SCD5: variants seen among roughly 807,000 people sequenced by gnomAD.
SCD5 encodes the protein acyl-CoA-desaturase 4.
In SCD5, 20 loss-of-function variants were observed where a neutral mutation model predicts 30.4. That is an observed-to-expected ratio of 0.66 (90% confidence interval 0.46 to 0.96). The LOEUF (loss-of-function observed/expected upper bound fraction) is 0.96. Ranked by LOEUF, SCD5 falls within the 40% of genes least tolerant of loss-of-function variation. SCD5 has a pLI of 0.00. For synonymous variants in SCD5, 173 were observed against 176.4 expected (o/e 0.98, Z 0.16); for missense variants, 381 against 443.3 (o/e 0.86, Z 1.26).
At chr4:82,699,563 GTTTTTTGTT>G (rs1243498351) in intron 2 of SCD5, among the ~76,000 whole-genome samples, 373 of 28,898 alleles carry the variant, frequency 0.013, 4 homozygotes, top group African/African-American at 0.064. Flanking sequence ...TTTGTTTTTT[GTTTTTTGTT>G]TTTTTTTTTT....
chr4:82,662,477 C>G (rs566485716), intron 3 of SCD5, among the ~76,000 whole-genome samples: 34 of 151,952 alleles, frequency 2.2e-4, no homozygotes, highest in African/African-American at 7.5e-4. Context: ...CTTGGCAATT[C>G]TGATTTTAGC....
In SCD5 at chr4:82,712,273, T is replaced by TAC. The variant is rs1200272547; in HGVS notation, c.233-6861_233-6860insGT. Among the ~76,000 whole-genome samples the TAC allele has an allele frequency of 2.0e-4, 10 of 50,072 alleles. 2 individuals are homozygous for TAC. Among genetic ancestry groups the TAC allele is most frequent in the African/African-American group, 1.2e-3 (9 of 7,618 alleles). 32.8% of individuals were successfully genotyped at this position (50,072 alleles called of 152,430 possible). On this transcript the variant is annotated intron_variant, in intron 1 of 4. Coordinates refer to ENST00000319540, the MANE Select transcript of SCD5 (RefSeq NM_001037582.3). The stretch of plus-strand genomic sequence containing the variant: ...ATATATATATATATATATATATATA[T>TAC]ATATATATATATATATATATATATT...
intron 3 of SCD5, among the ~76,000 whole-genome samples, chr4:82,642,018 A>G (rs1377528010): frequency 6.6e-6 from 1 of 152,146 alleles, no homozygotes; most frequent in East Asian, 1.9e-4. Context: ...ATATCAACAT[A>G]TAGGTCTGGA....
intron 1 of SCD5, among the ~76,000 whole-genome samples, chr4:82,744,479 C>G (rs997744908): frequency 6.6e-6 from 1 of 152,132 alleles, no homozygotes; most frequent in Non-Finnish European, 1.5e-5. Flanking sequence ...TCCCCACGAC[C>G]GTGGGAAGAG....
At position 82,667,561 on chromosome 4, in the gene SCD5, T is replaced by A. The variant is rs567738353; in HGVS notation, c.569+13146A>T. The stretch of plus-strand genomic sequence containing the variant: ...TTTGGCTACAACAACCATGTCTCTT[T>A]AGAAAGGCCAAAAGTTTAATAAAAG... On this transcript the variant is annotated intron_variant, in intron 3 of 4. Coordinates refer to ENST00000319540, the MANE Select transcript of SCD5 (RefSeq NM_001037582.3). Among the ~76,000 whole-genome samples the A allele has an allele frequency of 5.4e-4, 82 of 152,320 alleles. 3 individuals carry two copies. The South Asian group carries it at 0.017, about 31-fold the overall frequency.
intron 2 of SCD5, among the ~76,000 whole-genome samples, chr4:82,690,636 A>T (rs147414166): frequency 6.6e-6 from 1 of 151,834 alleles, no homozygotes; most frequent in Non-Finnish European, 1.5e-5. Context: ...TTCCATTCAT[A>T]CTCCCCAAAA....
chr4:82,769,120 A>G lies in SCD5; in HGVS notation c.232+29186T>C, dbSNP rs186477980. 3.0e-3 allele frequency among the ~76,000 whole-genome samples: 450 copies of G among 152,188 alleles called. 2 individuals are homozygous for G. The highest frequency in any genetic ancestry group is 0.01 in the African/African-American group (417 of 41,514). On this transcript the variant is annotated intron_variant, in intron 1 of 4. Transcript: ENST00000319540. ...TCTTCGCAGGTCCCTAGGAGCCCCCATGGTCTCCCCTCAAGCACATTAGAC... is the reference window on the plus strand; with the variant it reads ...TCTTCGCAGGTCCCTAGGAGCCCCCGTGGTCTCCCCTCAAGCACATTAGAC...
Position 82,631,201 on chromosome 4 carries a change from A to G in SCD5, c.*126T>C. 2 of 678,868 alleles carry G rather than the reference A, an allele frequency of 2.9e-6. No homozygotes were observed. The highest frequency in any genetic ancestry group is 4.6e-6 in the Non-Finnish European group (2 of 437,490). The allele number at this position is 678,868 out of a possible 1,614,324, so 42.1% of individuals were successfully genotyped here. A position where few individuals can be genotyped will look rare whatever the true frequency, so the allele number is the denominator to read the frequency against. On this transcript the variant is annotated 3_prime_UTR_variant, in exon 5 of 5. Coordinates refer to ENST00000319540, the MANE Select transcript of SCD5 (RefSeq NM_001037582.3). The stretch of plus-strand genomic sequence containing the variant: ...TTGAGATAAACAAAAACATTCCCAA[A>G]CCACATTGACTCGTTCCTTCCCCAC...
intron 2 of SCD5, among the ~76,000 whole-genome samples, chr4:82,685,487 C>G (rs1019174107): frequency 6.6e-6 from 1 of 151,930 alleles, no homozygotes; most frequent in Non-Finnish European, 1.5e-5. Flanking sequence ...CCGAGGTGGG[C>G]GAACCACCTG....
intron 3 of SCD5, among the ~76,000 whole-genome samples, chr4:82,665,864 A>G (rs190264923): frequency 2.2e-4 from 34 of 152,292 alleles, no homozygotes; most frequent in Non-Finnish European, 4.4e-5. Context: ...AGCTAGCTTG[A>G]TACATAAAAA....
Position 82,654,225 on chromosome 4 carries a change from T to A in SCD5, c.570-17402A>T, listed in dbSNP as rs949533586. ...AAATCACATTATCTCAGCACTAGGA[T>A]CTTTTTATCTGTGTGACAGATTTAT... On this transcript the variant is annotated intron_variant, in intron 3 of 4. Transcript: ENST00000319540. Among the ~76,000 whole-genome samples the A allele has an allele frequency of 6.6e-5, 10 of 152,278 alleles. No individual in the cohort carries two copies. In the East Asian group the frequency reaches 1.7e-3, roughly 26 times the overall value.
chr4:82,667,291 C>A (rs1045530710), intron 3 of SCD5, among the ~76,000 whole-genome samples: 2 of 152,104 alleles, frequency 1.3e-5, no homozygotes, highest in Non-Finnish European at 1.5e-5. Flanking sequence ...CACACACGCA[C>A]GCACGCACGC....
chr4:82,714,976 C>T (rs956799050), intron 1 of SCD5, among the ~76,000 whole-genome samples: 4 of 151,504 alleles, frequency 2.6e-5, no homozygotes, highest in African/African-American at 9.8e-5. Context: ...GTGGCTCACA[C>T]CTGTTATCCC....
At chr4:82,648,141 G>A (rs185761671) in intron 3 of SCD5, among the ~76,000 whole-genome samples, 5 of 152,322 alleles carry the variant, frequency 3.3e-5, no homozygotes, top group African/African-American at 1.2e-4. Context: ...TATCTCAGTC[G>A]GGCTGGACCA....
intron 4 of SCD5, among the ~76,000 whole-genome samples, chr4:82,635,489 T>C (rs936395383): frequency 2.0e-5 from 3 of 151,632 alleles, no homozygotes; most frequent in Non-Finnish European, 4.4e-5. Flanking sequence ...GGCGTGGTGG[T>C]GGGTGCCTGT....
chr4:82,678,575 T>C (rs1018565458), intron 3 of SCD5, among the ~76,000 whole-genome samples: 1 of 152,178 alleles, frequency 6.6e-6, no homozygotes, highest in Non-Finnish European at 1.5e-5. Flanking sequence ...GAATTGGAAA[T>C]GACATACATA....
intron 4 of SCD5, among the ~76,000 whole-genome samples, chr4:82,635,434 A>G (rs6832625): frequency 0.26 from 39,114 of 150,962 alleles, 6,128 homozygotes; most frequent in African/African-American, 0.43. Context: ...CCTGGCTAAC[A>G]CGGTGAAATC....
At chr4:82,679,265 AAG>A (rs1220056357) in intron 3 of SCD5, among the ~76,000 whole-genome samples, 3,499 of 111,052 alleles carry the variant, frequency 0.032, 249 homozygotes, top group South Asian at 0.066. Flanking sequence ...AGAAAGAAGG[AAG>A]GAAAGAAAGA....
At chr4:82,695,559 A>C (rs1279571555) in intron 2 of SCD5, among the ~76,000 whole-genome samples, 1 of 152,182 alleles carries the variant, frequency 6.6e-6, no homozygotes, top group Non-Finnish European at 1.5e-5. Context: ...ACAGAAGAAC[A>C]GTTTCGGTGA....
Sources: gnomAD v4.1 joint callset for allele counts (sites outside exome capture counted in the v4.1 genomes callset) on GRCh38, gnomAD v4.1.1 for gene constraint, MANE v1.5 for transcripts, NCBI Gene and HGNC (gene_info 2026-07-23, HGNC 2026-07-21) for gene names.